The following GRIA1 variants were observed in gnomAD, a reference collection of about 807,000 sequenced individuals.
GRIA1 encodes the protein glutamate receptor 1.
GRIA1 carries 31 observed loss-of-function variants against 99.2 expected under a neutral mutation model. The observed-to-expected ratio is 0.31, with a 90% confidence interval of 0.23 to 0.42. The LOEUF (loss-of-function observed/expected upper bound fraction) is 0.42. Among genes scored for constraint, GRIA1 ranks in the 10% least tolerant of loss-of-function variants. GRIA1 has a pLI of 1.00. For synonymous variants in GRIA1, 438 were observed against 432.4 expected (o/e 1.01, Z -0.16); for missense variants, 782 against 1,157.5 (o/e 0.68, Z 4.71).
intron 11 of GRIA1, among the ~76,000 whole-genome samples, chr5:153,760,696 C>A (rs896393476): frequency 1.3e-5 from 2 of 151,914 alleles, no homozygotes; most frequent in Admixed American, 6.6e-5. Context: ...TATGAAATAA[C>A]AAAAGACCCT....
In GRIA1 at chr5:153,500,170, T is replaced by C. The variant is rs77280040; in HGVS notation, c.220+6105T>C. 5.7e-3 allele frequency among the ~76,000 whole-genome samples: 868 copies of C among 152,330 alleles called. 6 individuals carry two copies. Among genetic ancestry groups the C allele is most frequent in the African/African-American group, 0.02 (829 of 41,564 alleles). ...GTAAACATTTCTTTCCCTGACTAGTTTGAAGATCCTGCTGGGATGAGTGAG... is the reference window on the plus strand; with the variant it reads ...GTAAACATTTCTTTCCCTGACTAGTCTGAAGATCCTGCTGGGATGAGTGAG... On this transcript the variant is annotated intron_variant, in intron 2 of 15. Coordinates refer to ENST00000285900, the MANE Select transcript of GRIA1 (RefSeq NM_000827.4).
chr5:153,498,447 T>G (rs1273015900), intron 2 of GRIA1, among the ~76,000 whole-genome samples: 2 of 152,196 alleles, frequency 1.3e-5, no homozygotes, highest in Non-Finnish European at 2.9e-5. Context: ...AATGAATAAA[T>G]GTCTGTAGGA....
intron 2 of GRIA1, among the ~76,000 whole-genome samples, chr5:153,592,431 T>C (rs1461674709): frequency 6.6e-6 from 1 of 151,956 alleles, no homozygotes; most frequent in Non-Finnish European, 1.5e-5. Flanking sequence ...GTTTTGAGCA[T>C]ATCACTTTAT....
intron 2 of GRIA1, among the ~76,000 whole-genome samples, chr5:153,565,047 C>A (rs894162573): frequency 6.6e-6 from 1 of 152,132 alleles, no homozygotes; most frequent in East Asian, 1.9e-4. Flanking sequence ...AATTTTCCCC[C>A]CTTTGGATTA....
At chr5:153,801,797 G>T (rs966165538) in intron 14 of GRIA1, among the ~76,000 whole-genome samples, 1 of 151,946 alleles carries the variant, frequency 6.6e-6, no homozygotes, top group South Asian at 2.1e-4. Context: ...ATATCAGTTG[G>T]TCTTTATTAT....
intron 2 of GRIA1, among the ~76,000 whole-genome samples, chr5:153,533,872 A>G (rs1159097020): frequency 6.6e-6 from 1 of 152,240 alleles, no homozygotes; most frequent in East Asian, 1.9e-4. Context: ...TCTAATGTCT[A>G]TTTAGAAAAG....
chr5:153,612,804 A>C (rs981457289), intron 2 of GRIA1, among the ~76,000 whole-genome samples: 1 of 152,146 alleles, frequency 6.6e-6, no homozygotes, highest in African/African-American at 2.4e-5. Flanking sequence ...ACACATACCC[A>C]TATCAGCAGC....
rs142301168 is a variant in GRIA1 at position 153,742,942 on chromosome 5, G to C, written c.1824-21492G>C. The stretch of plus-strand genomic sequence containing the variant: ...ATATTCTCAAGTTCTAGGGATTAGA[G>C]CATAGATGTTTTTGGGGGGCAAATT... On this transcript the variant is annotated intron_variant, in intron 11 of 15. Coordinates refer to ENST00000285900, the MANE Select transcript of GRIA1 (RefSeq NM_000827.4). Among the ~76,000 whole-genome samples, 906 of 152,296 alleles carry C rather than the reference G, an allele frequency of 5.9e-3. 10 individuals are homozygous for C. The highest frequency in any genetic ancestry group is 0.021 in the African/African-American group (865 of 41,568).
At chr5:153,529,003 G>C (rs1757861520) in intron 2 of GRIA1, among the ~76,000 whole-genome samples, 1 of 152,154 alleles carries the variant, frequency 6.6e-6, no homozygotes. Flanking sequence ...CTTGATTAGT[G>C]GTATCCTGAC....
At chr5:153,536,800 T>C (rs533337893) in intron 2 of GRIA1, among the ~76,000 whole-genome samples, 1 of 152,210 alleles carries the variant, frequency 6.6e-6, no homozygotes, top group Non-Finnish European at 1.5e-5. Flanking sequence ...AGAAGACTTA[T>C]TTTTCTACAT....
At chr5:153,791,301 A>G (rs1243171017) in intron 13 of GRIA1, among the ~76,000 whole-genome samples, 5 of 151,928 alleles carry the variant, frequency 3.3e-5, no homozygotes, top group African/African-American at 7.2e-5. Context: ...ATAGAAAAGA[A>G]AAGAAAAAAC....
intron 11 of GRIA1, among the ~76,000 whole-genome samples, chr5:153,756,285 G>A (rs1762821825): frequency 6.6e-6 from 1 of 151,956 alleles, no homozygotes; most frequent in African/African-American, 2.4e-5. Flanking sequence ...CTACAGTTGG[G>A]AAACTCCCCC....
At chr5:153,620,874 G>C (rs1434937470) in intron 2 of GRIA1, among the ~76,000 whole-genome samples, 1 of 152,154 alleles carries the variant, frequency 6.6e-6, no homozygotes, top group Non-Finnish European at 1.5e-5. Context: ...TTATTTGGCT[G>C]TGGTAATCAA....
At chr5:153,743,817 G>A (rs138581560) in intron 11 of GRIA1, among the ~76,000 whole-genome samples, 1 of 152,152 alleles carries the variant, frequency 6.6e-6, no homozygotes, top group Non-Finnish European at 1.5e-5. Flanking sequence ...TAACACCAGG[G>A]GGCAGAGGTC....
intron 8 of GRIA1, among the ~76,000 whole-genome samples, chr5:153,697,076 A>G (rs1758165940): frequency 6.6e-6 from 1 of 152,354 alleles, no homozygotes; most frequent in African/African-American, 2.4e-5. Context: ...TCCTGTCTTC[A>G]TATCTTGGCT....
intron 2 of GRIA1, among the ~76,000 whole-genome samples, chr5:153,636,452 A>G (rs1753364137): frequency 6.6e-6 from 1 of 152,226 alleles, no homozygotes; most frequent in Non-Finnish European, 1.5e-5. Flanking sequence ...GAAACACAGC[A>G]ATGTAAATAT....
intron 2 of GRIA1, among the ~76,000 whole-genome samples, chr5:153,520,232 T>A (rs1328058571): frequency 6.6e-6 from 1 of 152,230 alleles, no homozygotes; most frequent in Non-Finnish European, 1.5e-5. Context: ...TTCATTTATT[T>A]TATTCATTCA....
intron 2 of GRIA1, among the ~76,000 whole-genome samples, chr5:153,645,023 C>G (rs974278726): frequency 6.6e-6 from 1 of 151,976 alleles, no homozygotes; most frequent in Non-Finnish European, 1.5e-5. Flanking sequence ...TGGATTTGTA[C>G]AAGGAGAAAG....
intron 2 of GRIA1, among the ~76,000 whole-genome samples, chr5:153,561,788 G>T (rs114480948): frequency 0.016 from 2,451 of 152,266 alleles, 36 homozygotes; most frequent in Non-Finnish European, 0.023. Context: ...TATATGCAAA[G>T]TGCTATAGTG....
Sources: gnomAD v4.1 joint callset for allele counts (sites outside exome capture counted in the v4.1 genomes callset) on GRCh38, gnomAD v4.1.1 for gene constraint, MANE v1.5 for transcripts, NCBI Gene and HGNC (gene_info 2026-07-23, HGNC 2026-07-21) for gene names.